The following ZNF804A variants were observed in gnomAD, a reference collection of about 807,000 sequenced individuals.
The protein encoded by ZNF804A is zinc finger protein 804A.
In ZNF804A, 2 loss-of-function variants were observed where a neutral mutation model predicts 16.5. That is an observed-to-expected ratio of 0.12 (90% CI 0.05 to 0.38). The LOEUF is 0.38. Ranked by LOEUF, ZNF804A falls within the 10% of genes least tolerant of loss-of-function variation. The probability of loss-of-function intolerance (pLI) is 0.99; values close to 1 mark genes in which losing one functional copy is unlikely to be tolerated. For missense variants in ZNF804A, 1,473 were observed against 1,390.7 expected, an observed-to-expected ratio of 1.06 and a Z score of -0.94; for synonymous variants, 534 against 489.6, an observed-to-expected ratio of 1.09 and a Z score of -1.20.
chr2:184,886,804 C>T (rs183507603), intron 2 of ZNF804A, among the ~76,000 whole-genome samples: 4 of 152,302 alleles, frequency 2.6e-5, no homozygotes, highest in East Asian at 3.9e-4. Flanking sequence ...CTGCACACAG[C>T]GTGGGGGCCT....
chr2:184,768,674 T>C (rs537771903), intron 1 of ZNF804A, among the ~76,000 whole-genome samples: 3 of 152,182 alleles, frequency 2.0e-5, no homozygotes, highest in East Asian at 1.9e-4. Flanking sequence ...GCCACTATTA[T>C]AGAAAATAGG....
chr2:184,644,360 A>C (rs1691840470), intron 1 of ZNF804A, among the ~76,000 whole-genome samples: 1 of 151,762 alleles, frequency 6.6e-6, no homozygotes, highest in Non-Finnish European at 1.5e-5. Flanking sequence ...TTGTGTGGCT[A>C]TTGTTTTATT....
chr2:184,627,969 C>G (rs1691532228), intron 1 of ZNF804A, among the ~76,000 whole-genome samples: 1 of 152,126 alleles, frequency 6.6e-6, no homozygotes, highest in Non-Finnish European at 1.5e-5. Flanking sequence ...TTATGTATAA[C>G]TGTCACAGGC....
chr2:184,722,570 TAGAG>T (rs1693335341), intron 1 of ZNF804A, among the ~76,000 whole-genome samples: 1 of 151,934 alleles, frequency 6.6e-6, no homozygotes, highest in African/African-American at 2.4e-5. Context: ...TCAGAGAACT[TAGAG>T]AGGGAGGTTA....
At chr2:184,827,949 C>T (rs1695191975) in intron 1 of ZNF804A, among the ~76,000 whole-genome samples, 3 of 151,644 alleles carry the variant, frequency 2.0e-5, no homozygotes, top group Admixed American at 2.0e-4. Context: ...ATTCGATGTT[C>T]AGATGATACA....
At chr2:184,737,889 C>G (rs944162344) in intron 1 of ZNF804A, among the ~76,000 whole-genome samples, 2 of 151,948 alleles carry the variant, frequency 1.3e-5, no homozygotes, top group African/African-American at 4.8e-5. Flanking sequence ...TTTGGAAGGC[C>G]GAGGCAGGCT....
chr2:184,708,402 A>G (rs1559131665), intron 1 of ZNF804A, among the ~76,000 whole-genome samples: 1 of 152,150 alleles, frequency 6.6e-6, no homozygotes, highest in Non-Finnish European at 1.5e-5. Context: ...AAACTATACT[A>G]TAAGGTTACC....
At chr2:184,931,404 A>T (rs1206078360) in intron 2 of ZNF804A, among the ~76,000 whole-genome samples, 1 of 152,150 alleles carries the variant, frequency 6.6e-6, no homozygotes, top group Non-Finnish European at 1.5e-5. Context: ...AGGTTCCCAA[A>T]CTTTGATTCT....
chr2:184,871,706 A>T (rs980947683), intron 2 of ZNF804A, among the ~76,000 whole-genome samples: 2 of 152,048 alleles, frequency 1.3e-5, no homozygotes, highest in Admixed American at 6.6e-5. Flanking sequence ...GAACATGTAG[A>T]AATGTCCTAA....
chr2:184,807,192 G>A (rs927905256), intron 1 of ZNF804A, among the ~76,000 whole-genome samples: 2 of 151,824 alleles, frequency 1.3e-5, no homozygotes, highest in African/African-American at 2.4e-5. Flanking sequence ...TTCCTGTCCT[G>A]TAAAAATAGA....
At chr2:184,778,500 G>C (rs1694325569) in intron 1 of ZNF804A, among the ~76,000 whole-genome samples, 1 of 151,562 alleles carries the variant, frequency 6.6e-6, no homozygotes, top group African/African-American at 2.4e-5. Flanking sequence ...GGATATACAA[G>C]ATACAGATGG....
At chr2:184,727,172 G>A (rs1265305899) in intron 1 of ZNF804A, among the ~76,000 whole-genome samples, 1 of 151,502 alleles carries the variant, frequency 6.6e-6, no homozygotes, top group Non-Finnish European at 1.5e-5. Flanking sequence ...ATTTCTGTTT[G>A]TCTGAATAGA....
intron 1 of ZNF804A, among the ~76,000 whole-genome samples, chr2:184,861,806 G>A (rs1695804417): frequency 6.6e-6 from 1 of 152,158 alleles, no homozygotes; most frequent in African/African-American, 2.4e-5. Flanking sequence ...TCCTTGGGGT[G>A]TGGATAAACC....
intron 1 of ZNF804A, among the ~76,000 whole-genome samples, chr2:184,633,322 C>T (rs904812392): frequency 2.0e-5 from 3 of 152,186 alleles, no homozygotes; most frequent in African/African-American, 7.2e-5. Context: ...TTCTATCTTG[C>T]AAACATTACT....
intron 2 of ZNF804A, among the ~76,000 whole-genome samples, chr2:184,892,308 G>T (rs1238058040): frequency 2.6e-5 from 4 of 152,148 alleles, no homozygotes; most frequent in Admixed American, 6.5e-5. Context: ...TTTTAGCGGA[G>T]CCCAGCCCCA....
At chr2:184,716,369 A>G (rs892712835) in intron 1 of ZNF804A, among the ~76,000 whole-genome samples, 1 of 151,974 alleles carries the variant, frequency 6.6e-6, no homozygotes, top group Non-Finnish European at 1.5e-5. Flanking sequence ...ATTTTCTTTT[A>G]GTAATGTAAT....
chr2:184,833,139 C>T (rs1695291221), intron 1 of ZNF804A, among the ~76,000 whole-genome samples: 1 of 152,036 alleles, frequency 6.6e-6, no homozygotes, highest in Admixed American at 6.6e-5. Context: ...TTTCTACTCT[C>T]ACACTTATCT....
In ZNF804A at chr2:184,663,027, G is replaced by A. The variant is rs546246276; in HGVS notation, c.111+63957G>A. On this transcript the variant is annotated intron_variant, in intron 1 of 3. Transcript: ENST00000302277. ...TGTAGTATTAGTGATGGCAGCAGTG[G>A]CCCCTCTGGAGTAGCCTCTGTGAAG... Among the ~76,000 whole-genome samples, 8 of 152,294 alleles carry A rather than the reference G, an allele frequency of 5.3e-5. No homozygotes were observed. In the South Asian group the frequency reaches 1.7e-3, roughly 32 times the overall value.
At chr2:184,807,165 C>A (rs749045455) in intron 1 of ZNF804A, among the ~76,000 whole-genome samples, 3 of 151,818 alleles carry the variant, frequency 2.0e-5, no homozygotes, top group Non-Finnish European at 3.0e-5. Context: ...GTAACATTCA[C>A]TCCAATCATA....
Sources: allele counts gnomAD v4.1 joint callset (sites outside exome capture counted in the v4.1 genomes callset), GRCh38; gene constraint gnomAD v4.1.1; transcripts MANE v1.5; gene names NCBI Gene and HGNC (gene_info 2026-07-23, HGNC 2026-07-21).